Variants in CNTN4 observed in about 807,000 individuals in gnomAD.
CNTN4 encodes contactin-4.
CNTN4 carries 77 observed loss-of-function variants against 122.5 expected under a neutral mutation model. The ratio of observed to expected loss-of-function variants is 0.63; its 90% CI spans 0.52 to 0.76. The LOEUF (loss-of-function observed/expected upper bound fraction) is 0.76. Among genes scored for constraint, CNTN4 ranks in the 30% least tolerant of loss-of-function variants. The pLI, the probability that CNTN4 is intolerant of heterozygous loss-of-function variation, is 0.00. For missense variants in CNTN4, 1,256 were observed against 1,259.1 expected, an observed-to-expected ratio of 1.00 and a Z score of 0.04; for synonymous variants, 512 against 447.0, an observed-to-expected ratio of 1.15 and a Z score of -1.83.
chr3:2,137,911 T>C (rs2125316373), intron 2 of CNTN4, among the ~76,000 whole-genome samples: 1 of 152,284 alleles, frequency 6.6e-6, no homozygotes. Context: ...ATCTGCTTCC[T>C]TGGATCCGAA....
chr3:2,461,504 C>G (rs762349119), intron 3 of CNTN4, among the ~76,000 whole-genome samples: 1 of 152,110 alleles, frequency 6.6e-6, no homozygotes, highest in Non-Finnish European at 1.5e-5. Context: ...AGCTACTAAG[C>G]GGTAGATCCA....
intron 2 of CNTN4, among the ~76,000 whole-genome samples, chr3:2,289,648 T>C (rs2042061762): frequency 6.6e-6 from 1 of 152,146 alleles, no homozygotes; most frequent in Admixed American, 6.5e-5. Context: ...TTTTTTTACT[T>C]TGGGCAGCTA....
intron 2 of CNTN4, among the ~76,000 whole-genome samples, chr3:2,136,233 C>A (rs905740744): frequency 1.3e-5 from 2 of 152,174 alleles, no homozygotes; most frequent in East Asian, 3.9e-4. Flanking sequence ...TCAAGGAAGA[C>A]CAGAGTTGAG....
chr3:2,102,642 C>T (rs2032080806), intron 2 of CNTN4, among the ~76,000 whole-genome samples: 1 of 152,154 alleles, frequency 6.6e-6, no homozygotes, highest in African/African-American at 2.4e-5. Flanking sequence ...TGCTTACTTG[C>T]ATCAAGCCAT....
chr3:2,802,641 T>C (rs2092375847), intron 6 of CNTN4, among the ~76,000 whole-genome samples: 1 of 152,164 alleles, frequency 6.6e-6, no homozygotes, highest in Admixed American at 6.5e-5. Flanking sequence ...TTGATGAAAA[T>C]GGTGTGACCA....
intron 12 of CNTN4, among the ~76,000 whole-genome samples, chr3:2,908,863 T>C (rs1230113808): frequency 1.3e-5 from 2 of 152,052 alleles, no homozygotes; most frequent in Non-Finnish European, 2.9e-5. Flanking sequence ...CCTGAGGAAA[T>C]TATGTCTAAT....
At chr3:2,224,381 A>G (rs2149507096) in intron 2 of CNTN4, among the ~76,000 whole-genome samples, 1 of 152,318 alleles carries the variant, frequency 6.6e-6, no homozygotes, top group African/African-American at 2.4e-5. Flanking sequence ...GAAATAGTCC[A>G]CATGTGTTGT....
At chr3:2,382,828 C>T (rs956198846) in intron 3 of CNTN4, among the ~76,000 whole-genome samples, 4 of 152,148 alleles carry the variant, frequency 2.6e-5, no homozygotes, top group Admixed American at 2.6e-4. Flanking sequence ...AACCCCAGCA[C>T]TTCGGGAGGC....
intron 12 of CNTN4, among the ~76,000 whole-genome samples, chr3:2,910,448 A>C (rs963178933): frequency 2.0e-4 from 31 of 152,198 alleles, no homozygotes; most frequent in Non-Finnish European, 2.9e-5. Context: ...TTTCTCATAA[A>C]ATGTAGAACT....
At chr3:2,265,267 C>A (rs1417652159) in intron 2 of CNTN4, among the ~76,000 whole-genome samples, 1 of 152,054 alleles carries the variant, frequency 6.6e-6, no homozygotes, top group Non-Finnish European at 1.5e-5. Flanking sequence ...GATTGATAAG[C>A]ATTTGGGCTG....
chr3:2,528,898 G>A (rs573100818), intron 3 of CNTN4, among the ~76,000 whole-genome samples: 12 of 152,062 alleles, frequency 7.9e-5, no homozygotes. Context: ...TAGTGATTAA[G>A]TTAGGTTAAT....
chr3:2,235,765 A>G (rs2039659185), intron 2 of CNTN4, among the ~76,000 whole-genome samples: 1 of 152,094 alleles, frequency 6.6e-6, no homozygotes, highest in South Asian at 2.1e-4. Context: ...TCATTTCTTT[A>G]CTATCATTTA....
At chr3:2,755,092 C>A (rs536438708) in intron 6 of CNTN4, among the ~76,000 whole-genome samples, 2 of 152,022 alleles carry the variant, frequency 1.3e-5, no homozygotes. Flanking sequence ...GATTTTTGAG[C>A]CCAGATCCTT....
chr3:2,844,092 C>T (rs112785340), intron 7 of CNTN4, among the ~76,000 whole-genome samples: 8 of 152,152 alleles, frequency 5.3e-5, no homozygotes, highest in Non-Finnish European at 1.2e-4. Context: ...AGCAATGGGG[C>T]CTTTGTGAGT....
At chr3:3,054,581 C>T (rs920250584) in intron 24 of CNTN4, among the ~76,000 whole-genome samples, 2 of 152,038 alleles carry the variant, frequency 1.3e-5, no homozygotes, top group African/African-American at 4.8e-5. Context: ...TTGTAAGTAT[C>T]TTAAGAGCAT....
intron 3 of CNTN4, among the ~76,000 whole-genome samples, chr3:2,367,640 C>T (rs2045446258): frequency 6.6e-6 from 1 of 152,088 alleles, no homozygotes; most frequent in Non-Finnish European, 1.5e-5. Flanking sequence ...CATACCACCA[C>T]ACCCGGCTAA....
intron 4 of CNTN4, among the ~76,000 whole-genome samples, chr3:2,720,869 C>CT (rs1217838352): frequency 6.6e-6 from 1 of 152,202 alleles, no homozygotes. Context: ...GGCACAAAGT[C>CT]TAAGTAACTC....
intron 14 of CNTN4, among the ~76,000 whole-genome samples, chr3:3,013,546 T>C (rs568999374): frequency 3.3e-5 from 5 of 152,206 alleles, no homozygotes; most frequent in Non-Finnish European, 7.4e-5. Flanking sequence ...CAGGGTATCC[T>C]ATTGACCGCC....
At chr3:2,137,079 C>A (rs913080387) in intron 2 of CNTN4, among the ~76,000 whole-genome samples, 1 of 152,086 alleles carries the variant, frequency 6.6e-6, no homozygotes. Flanking sequence ...TCAAAATAAT[C>A]GTGTAGATCA....
Sources: gnomAD v4.1 joint callset for allele counts (sites outside exome capture counted in the v4.1 genomes callset) on GRCh38, gnomAD v4.1.1 for gene constraint, MANE v1.5 for transcripts, NCBI Gene and HGNC (gene_info 2026-07-23, HGNC 2026-07-21) for gene names.